The following UBE2F variants were observed in gnomAD, a reference collection of about 807,000 sequenced individuals.
UBE2F encodes ubiquitin conjugating enzyme E2 F (putative).
In UBE2F, 5 loss-of-function variants were observed where a neutral mutation model predicts 29.6. The ratio of observed to expected loss-of-function variants is 0.17; its 90% CI spans 0.09 to 0.36. UBE2F has a LOEUF of 0.36. Among genes scored for constraint, UBE2F ranks in the 10% least tolerant of loss-of-function variants. UBE2F has a pLI of 1.00. For synonymous variants in UBE2F, 66 were observed against 81.8 expected (o/e 0.81, Z 1.04); for missense variants, 141 against 228.5 (o/e 0.62, Z 2.47).
intron 2 of UBE2F, among the ~76,000 whole-genome samples, chr2:237,984,936 C>T (rs985278095): frequency 6.7e-5 from 10 of 149,940 alleles, no homozygotes; most frequent in African/African-American, 1.7e-4. Context: ...TGCACCACCA[C>T]GCCTGACTCT....
chr2:237,985,183 G>A (rs543413855), intron 2 of UBE2F, among the ~76,000 whole-genome samples: 5 of 152,234 alleles, frequency 3.3e-5, no homozygotes, highest in African/African-American at 7.2e-5. Flanking sequence ...CTACAGTCAG[G>A]TGAATTAATA....
At chr2:237,981,023 T>C (rs1191340293) in intron 2 of UBE2F, among the ~76,000 whole-genome samples, 1 of 152,204 alleles carries the variant, frequency 6.6e-6, no homozygotes, top group East Asian at 1.9e-4. Flanking sequence ...GAAAAGAGTC[T>C]AATCTATCAG....
chr2:238,023,769 C>T (rs2064348882), intron 5 of UBE2F, among the ~76,000 whole-genome samples: 2 of 152,140 alleles, frequency 1.3e-5, no homozygotes, highest in Non-Finnish European at 2.9e-5. Flanking sequence ...TGTGGGAGGT[C>T]CTGGAGAAGA....
chr2:238,040,301 C>T lies in UBE2F; in HGVS notation c.508-987C>T, dbSNP rs556719436. Among the ~76,000 whole-genome samples, 74 of 152,358 alleles carry T rather than the reference C, an allele frequency of 4.9e-4. No homozygotes were observed. Among genetic ancestry groups the T allele is most frequent in the African/African-American group, 1.7e-3 (72 of 41,584 alleles). ...ATCGCGGCAGCAGCGAGGTATACAT[C>T]GAGTGCCAGGTTATACCCTGCACAT... is the stretch of plus-strand genomic sequence containing the variant. On this transcript the variant is annotated intron_variant, in intron 9 of 9. Coordinates refer to ENST00000272930, the MANE Select transcript of UBE2F (RefSeq NM_080678.3). This position sits in a 1 kb window ranked among gnomAD's most constrained non-coding sequence, Gnocchi z 4.4.
Position 238,041,268 on chromosome 2 carries a change from C to T in UBE2F, c.508-20C>T, listed in dbSNP as rs1339823681. On this transcript the variant is annotated intron_variant, in intron 9 of 9. Coordinates refer to ENST00000272930, the MANE Select transcript of UBE2F (RefSeq NM_080678.3). ...ACTCCTCCTGTTCTTCTTTCTGTCC[C>T]CAATGCTGTTACTCCACAGGAGGAC... is the stretch of plus-strand genomic sequence containing the variant. 1.2e-6 allele frequency: 2 copies of T among 1,612,636 alleles called. No individual in the cohort carries two copies. The highest frequency in any genetic ancestry group is 1.1e-5 in the South Asian group (1 of 91,020).
At chr2:238,006,114 C>T (rs565271468) in intron 4 of UBE2F, among the ~76,000 whole-genome samples, 4 of 152,102 alleles carry the variant, frequency 2.6e-5, no homozygotes, top group Admixed American at 1.3e-4. Flanking sequence ...GTAGGAAGCA[C>T]GGTGCTGGCA....
intron 3 of UBE2F, chr2:237,990,373 C>T (rs901940683): frequency 2.2e-6 from 1 of 452,628 alleles, no homozygotes; most frequent in African/African-American, 2.1e-5. Flanking sequence ...CCCACAGGCC[C>T]CCAACTTGAG....
chr2:238,019,524 G>A (rs564082874), intron 5 of UBE2F, among the ~76,000 whole-genome samples: 37 of 151,814 alleles, frequency 2.4e-4, no homozygotes, highest in African/African-American at 8.7e-4. Flanking sequence ...GTACCACCAC[G>A]CCCAGCTAAT....
At chr2:238,033,357 G>A (rs2064629934) in intron 8 of UBE2F, among the ~76,000 whole-genome samples, 1 of 152,156 alleles carries the variant, frequency 6.6e-6, no homozygotes. Context: ...GATTCATAAA[G>A]GCGCTTTTAA....
chr2:237,985,961 A>G (rs559411219), intron 2 of UBE2F, among the ~76,000 whole-genome samples: 1 of 152,100 alleles, frequency 6.6e-6, no homozygotes, highest in South Asian at 2.1e-4. Context: ...ACCTTTGCAT[A>G]TATCTGTTGG....
chr2:238,024,029 T>A (rs934135412), intron 5 of UBE2F, among the ~76,000 whole-genome samples: 1 of 152,142 alleles, frequency 6.6e-6, no homozygotes, highest in Non-Finnish European at 1.5e-5. Context: ...TACCATGGAA[T>A]GCAGGATGCC....
chr2:238,035,476 C>CTG (rs890173153), intron 8 of UBE2F: 3 of 192,022 alleles, frequency 1.6e-5, no homozygotes, highest in African/African-American at 7.2e-5. Context: ...AAAGTCAAAA[C>CTG]TGTTAATCAC....
At chr2:238,013,342 A>T (rs1279944817) in intron 4 of UBE2F, among the ~76,000 whole-genome samples, 1 of 152,222 alleles carries the variant, frequency 6.6e-6, no homozygotes, top group Non-Finnish European at 1.5e-5. Context: ...GGTGGGGGAA[A>T]AAGCAAATAT....
chr2:238,013,386 T>C (rs1268685131), intron 4 of UBE2F, among the ~76,000 whole-genome samples: 1 of 152,200 alleles, frequency 6.6e-6, no homozygotes. Flanking sequence ...AATGTGTCGC[T>C]TTGAGGTGGC....
intron 9 of UBE2F, among the ~76,000 whole-genome samples, chr2:238,039,727 G>A (rs562135582): frequency 6.6e-6 from 1 of 152,322 alleles, no homozygotes; most frequent in East Asian, 1.9e-4. Context: ...AGAGGCTGGA[G>A]CATGGGGCCT....
intron 2 of UBE2F, among the ~76,000 whole-genome samples, chr2:237,977,978 G>C (rs1032753864): frequency 6.6e-6 from 1 of 152,092 alleles, no homozygotes; most frequent in Non-Finnish European, 1.5e-5. Flanking sequence ...CAATACCTGT[G>C]GGGTAGGCGA....
intron 4 of UBE2F, among the ~76,000 whole-genome samples, chr2:238,016,210 A>C (rs2064148212): frequency 6.6e-6 from 1 of 152,142 alleles, no homozygotes; most frequent in Admixed American, 6.5e-5. Flanking sequence ...GCAGATAAAG[A>C]AGTCACTTAA....
intron 4 of UBE2F, among the ~76,000 whole-genome samples, chr2:238,006,075 T>G (rs2063898231): frequency 6.6e-6 from 1 of 152,210 alleles, no homozygotes; most frequent in Non-Finnish European, 1.5e-5. Context: ...AAGAAGAGGC[T>G]AATTTTGGCT....
At chr2:237,979,467 T>C (rs573808127) in intron 2 of UBE2F, among the ~76,000 whole-genome samples, 1 of 152,332 alleles carries the variant, frequency 6.6e-6, no homozygotes, top group Admixed American at 6.5e-5. Context: ...AACCACTGTC[T>C]CCAGCGTGTC....
Sources: gnomAD v4.1 joint callset for allele counts (sites outside exome capture counted in the v4.1 genomes callset) on GRCh38, gnomAD v4.1.1 for gene constraint, Gnocchi (gnomAD v3.1) non-coding constraint, MANE v1.5 for transcripts, NCBI Gene and HGNC (gene_info 2026-07-23, HGNC 2026-07-21) for gene names.